Variants in DNAJC13 observed in about 807,000 individuals in gnomAD.
DNAJC13 encodes dnaJ homolog subfamily C member 13.
Under a neutral mutation model 290.5 loss-of-function variants are expected in DNAJC13, and 75 were observed. The ratio of observed to expected loss-of-function variants is 0.26; its 90% CI spans 0.21 to 0.31. The LOEUF is 0.31. Ranked by LOEUF, DNAJC13 falls within the 10% of genes least tolerant of loss-of-function variation. DNAJC13 has a pLI of 1.00. For missense variants in DNAJC13, 2,260 were observed against 2,674.5 expected (o/e 0.85, Z 3.42); for synonymous variants, 862 against 892.0 (o/e 0.97, Z 0.60).
chr3:132,496,392 C>T, intron 35 of DNAJC13, 136 bp from the exon 36 acceptor site: 2 of 784,584 alleles, frequency 2.5e-6, no homozygotes, highest in Non-Finnish European at 3.7e-6. Flanking sequence ...AGCTAGATTA[C>T]AGTTGGAATG....
intron 53 of DNAJC13, 110 bp downstream of exon 53, chr3:132,526,391 A>G: frequency 7.5e-7 from 1 of 1,329,230 alleles, no homozygotes; most frequent in East Asian, 2.4e-5. Flanking sequence ...GGTGAGAGTT[A>G]ACTTGTGAGT....
rs544940411 is a variant in DNAJC13 at position 132,508,048 on chromosome 3, GC to G, written c.5115+697del. Among the ~76,000 whole-genome samples the G allele has an allele frequency of 2.6e-5, 4 of 152,302 alleles. No homozygotes were observed. The East Asian group carries it at 7.7e-4, about 29-fold the overall frequency. On this transcript the variant is annotated intron_variant, in intron 43 of 55. Coordinates refer to ENST00000260818, the MANE Select transcript of DNAJC13 (RefSeq NM_015268.4). Reference sequence around the variant, plus strand: ...ACATGAATGACAAGAAATTGAAACAGCCTTATTGCTGATATATGGAAAGTTT... The same window carrying G: ...ACATGAATGACAAGAAATTGAAACAGCTTATTGCTGATATATGGAAAGTTT...
chr3:132,461,940 G>A (rs1933812579), intron 15 of DNAJC13, among the ~76,000 whole-genome samples: 1 of 152,012 alleles, frequency 6.6e-6, no homozygotes, highest in African/African-American at 2.4e-5. Flanking sequence ...CGATCCTCCT[G>A]CCTCAGCCTC....
In DNAJC13 at chr3:132,488,992, C is replaced by G; in HGVS notation, c.3439C>G (p.His1147Asp). 6.2e-7 allele frequency: 1 copy of G among 1,609,570 alleles called. No individual in the cohort carries two copies. The highest frequency in any genetic ancestry group is 8.5e-7 in the Non-Finnish European group (1 of 1,176,458). Residue 1147 changes from histidine (H) to aspartate (D), a missense_variant, in exon 31 of 56, where the codon CAT becomes GAT. By Grantham distance (81) the His-to-Asp change is moderately conservative. Around this residue, in one of 3 missense-constraint regions of DNAJC13, gnomAD observed 1,494 missense variants for 1,693.7 expected, o/e 0.88. Coordinates refer to ENST00000260818, the MANE Select transcript of DNAJC13 (RefSeq NM_015268.4). ...LPVARFLKYT[H>D]TKQAFKSEET... ...TCTTTCTAGATTTTTGAAATACACA[C>G]ATACCAAACAGGCTTTCAAGTCAGA...
Position 132,453,189 on chromosome 3 carries a change from T to A in DNAJC13, c.538-109T>A, listed in dbSNP as rs1576468080. On this transcript the variant is annotated intron_variant, in intron 6 of 55. Transcript: ENST00000260818. ...TGCTTATTTGCCTCTAATACCTACC[T>A]CTTTTTTCTCTAGAATTGCTACTTT... 4.3e-6 allele frequency: 4 copies of A among 940,704 alleles called. No individual in the cohort carries two copies. In the East Asian group the frequency reaches 1.1e-4, roughly 25 times the overall value. The allele number at this position is 940,704 out of a possible 1,614,324, so 58.3% of individuals were successfully genotyped here. A position where few individuals can be genotyped will look rare whatever the true frequency, so the allele number is the denominator to read the frequency against.
At chr3:132,505,273 T>C (rs752241136) in intron 41 of DNAJC13, 29 bp from the exon 42 acceptor site, 4 of 1,398,744 alleles carry the variant, frequency 2.9e-6, no homozygotes, top group African/African-American at 1.4e-5. Flanking sequence ...TTTCACTAAA[T>C]GTTATAAAAC....
At chr3:132,424,471 G>A (rs1446852354) in intron 1 of DNAJC13, among the ~76,000 whole-genome samples, 1 of 151,968 alleles carries the variant, frequency 6.6e-6, no homozygotes, top group Non-Finnish European at 1.5e-5. Context: ...TCAGATTTAG[G>A]GGTTGCTTTT....
chr3:132,477,995 A>C lies in DNAJC13; in HGVS notation c.2564A>C (p.Asn855Thr). The C allele has an allele frequency of 6.2e-7, 1 of 1,601,958 alleles. No homozygotes were observed. Among genetic ancestry groups the C allele is most frequent in the East Asian group, 2.2e-5 (1 of 44,738 alleles). The change falls in exon 24 of 56, where the codon AAT becomes ACT. Residue 855 changes from asparagine to threonine, a missense_variant. By Grantham distance (65) the Asn-to-Thr change is moderately conservative (BLOSUM62 0). This residue lies in a region of DNAJC13 where 1,494 missense variants were observed against 1,693.7 expected (regional missense o/e 0.88). Transcript: ENST00000260818. The part of the protein sequence containing the change: ...GSIKRSYEFF[N>T]ELYHRFLLTP... Reference sequence around the variant, plus strand: ...TTAAAATCTAGGTATGAATTTTTCAATGAGCTTTATCATCGCTTCTTGCTC... The same window carrying C: ...TTAAAATCTAGGTATGAATTTTTCACTGAGCTTTATCATCGCTTCTTGCTC...
Position 132,484,596 on chromosome 3 carries a change from A to T in DNAJC13, c.3191A>T (p.Asp1064Val). Residue 1064 changes from aspartate to valine, a missense_variant, in exon 29 of 56, where the codon GAC becomes GTC. Physicochemically the swap from Asp to Val is radical, Grantham distance 152 (BLOSUM62 -3). Transcript: ENST00000260818. Reference protein sequence around the residue: ...MCGYFPSRDQDNAIIRPLPKV... With the variant: ...MCGYFPSRDQVNAIIRPLPKV... ...GAGAAAATGTTTTCTAGGGATCAAG[A>T]CAATGCCATCATTCGGCCTCTACCC... is the stretch of plus-strand genomic sequence containing the variant. 1 of 1,614,072 alleles carries T rather than the reference A, an allele frequency of 6.2e-7. No individual in the cohort carries two copies. Among genetic ancestry groups the T allele is most frequent in the Non-Finnish European group, 8.5e-7 (1 of 1,179,932 alleles).
intron 33 of DNAJC13, 97 bp downstream of exon 33, chr3:132,492,712 C>CTTTCTTAAGTA: frequency 9.7e-7 from 1 of 1,032,426 alleles, no homozygotes; most frequent in South Asian, 1.5e-5. Context: ...TGGTTAATAG[C>CTTTCTTAAGTA]TTTCTTAAGT....
chr3:132,514,885 A>G, intron 46 of DNAJC13: 1 of 400,042 alleles, frequency 2.5e-6, no homozygotes, highest in Non-Finnish European at 4.5e-6. Flanking sequence ...GAGAGGTCCA[A>G]AACCAAAGGA....
intron 48 of DNAJC13, among the ~76,000 whole-genome samples, chr3:132,522,052 ACT>A (rs1306457377): frequency 2.0e-5 from 3 of 152,092 alleles, no homozygotes; most frequent in Admixed American, 1.3e-4. Context: ...TCGTGTGCTG[ACT>A]TCATATTAGT....
intron 1 of DNAJC13, among the ~76,000 whole-genome samples, chr3:132,420,307 C>T (rs11707757): frequency 0.037 from 5,589 of 152,252 alleles, 145 homozygotes; most frequent in African/African-American, 0.063. Context: ...TGTGATTCTT[C>T]CCCTCTGCCT....
At chr3:132,460,060 C>T (rs1933738842) in intron 13 of DNAJC13, among the ~76,000 whole-genome samples, 190 bp from the exon 14 acceptor site, 1 of 152,162 alleles carries the variant, frequency 6.6e-6, no homozygotes, top group Non-Finnish European at 1.5e-5. Context: ...TCTGTGAAGT[C>T]TGATCAAAAT....
chr3:132,519,245 A>G (rs1379557399), intron 48 of DNAJC13, among the ~76,000 whole-genome samples: 2 of 152,086 alleles, frequency 1.3e-5, no homozygotes, highest in East Asian at 3.9e-4. Context: ...ACCATTTTCC[A>G]TTCCCCTAGC....
intron 43 of DNAJC13, among the ~76,000 whole-genome samples, chr3:132,508,795 C>A (rs1403033712): frequency 6.6e-6 from 1 of 152,186 alleles, no homozygotes; most frequent in Non-Finnish European, 1.5e-5. Context: ...TATGCTAAAT[C>A]TGCCTGTGCT....
At chr3:132,442,525 C>A (rs991559563) in intron 2 of DNAJC13, among the ~76,000 whole-genome samples, 1 of 152,152 alleles carries the variant, frequency 6.6e-6, no homozygotes, top group Non-Finnish European at 1.5e-5. Context: ...ATCTTATCTC[C>A]ACCAATACTA....
At chr3:132,519,856 C>T (rs1273584128) in intron 48 of DNAJC13, among the ~76,000 whole-genome samples, 1 of 152,136 alleles carries the variant, frequency 6.6e-6, no homozygotes, top group Admixed American at 6.6e-5. Context: ...GGGCAATTTA[C>T]AAAAGAAAGA....
At chr3:132,498,296 G>A (rs1176195929) in intron 36 of DNAJC13, among the ~76,000 whole-genome samples, 1 of 151,932 alleles carries the variant, frequency 6.6e-6, no homozygotes, top group Non-Finnish European at 1.5e-5. Context: ...ATAGATACTG[G>A]TAAAATAGAT....
Sources: allele counts gnomAD v4.1 joint callset (sites outside exome capture counted in the v4.1 genomes callset), GRCh38; gene constraint gnomAD v4.1.1; regional missense constraint gnomAD v4.1.1; transcripts MANE v1.5; gene names NCBI Gene and HGNC (gene_info 2026-07-23, HGNC 2026-07-21).